ENOX1: variants seen among roughly 807,000 people sequenced by gnomAD.
ENOX1 encodes ecto-NOX disulfide-thiol exchanger 1, also known as candidate growth-related and time keeping constitutive hydroquinone (NADH) oxidase.
Under a neutral mutation model 82.5 loss-of-function variants are expected in ENOX1, and 42 were observed. That is an observed-to-expected ratio of 0.51 (90% CI 0.40 to 0.66). The LOEUF (loss-of-function observed/expected upper bound fraction) is 0.66, where lower values mean the gene tolerates loss of function less well. Ranked by LOEUF, ENOX1 falls within the 30% of genes least tolerant of loss-of-function variation. The pLI is 0.00. For synonymous variants in ENOX1, 271 were observed against 282.2 expected (o/e 0.96, Z 0.40); for missense variants, 608 against 811.6 (o/e 0.75, Z 3.05).
At chr13:43,294,527 G>A (rs1388056037) in intron 12 of ENOX1, among the ~76,000 whole-genome samples, 4 of 152,156 alleles carry the variant, frequency 2.6e-5, no homozygotes, top group African/African-American at 9.7e-5. Flanking sequence ...AGACAGTCCC[G>A]AGGGAATGCA....
At chr13:43,421,639 T>C (rs947412144) in intron 3 of ENOX1, among the ~76,000 whole-genome samples, 1 of 152,286 alleles carries the variant, frequency 6.6e-6, no homozygotes, top group East Asian at 1.9e-4. Flanking sequence ...AGGAGATATA[T>C]ACTCTTTCTC....
At chr13:43,533,590 T>C (rs2078324964) in intron 2 of ENOX1, among the ~76,000 whole-genome samples, 1 of 152,148 alleles carries the variant, frequency 6.6e-6, no homozygotes, top group Admixed American at 6.5e-5. Context: ...GTTTATACGT[T>C]TTCTAACTCT....
intron 3 of ENOX1, among the ~76,000 whole-genome samples, chr13:43,475,850 A>G (rs1461385243): frequency 6.6e-6 from 1 of 151,780 alleles, no homozygotes. Flanking sequence ...GCAAAACAGA[A>G]TTTGAGAAGA....
chr13:43,234,464 C>T (rs1446594104), intron 15 of ENOX1, among the ~76,000 whole-genome samples: 1 of 152,148 alleles, frequency 6.6e-6, no homozygotes, highest in Non-Finnish European at 1.5e-5. Context: ...CTCCCTTCTA[C>T]CTAAATGTTC....
At chr13:43,433,652 A>G (rs2055822386) in intron 3 of ENOX1, among the ~76,000 whole-genome samples, 1 of 152,242 alleles carries the variant, frequency 6.6e-6, no homozygotes, top group Non-Finnish European at 1.5e-5. Flanking sequence ...TGTAATAAGA[A>G]CACATTTCTA....
At chr13:43,406,578 C>T (rs75507138) in intron 5 of ENOX1, among the ~76,000 whole-genome samples, 6 of 151,432 alleles carry the variant, frequency 4.0e-5, no homozygotes, top group African/African-American at 7.3e-5. Context: ...CTGCAAGCTC[C>T]GCCTCCCGGG....
intron 1 of ENOX1, among the ~76,000 whole-genome samples, chr13:43,699,083 C>T (rs1366382080): frequency 6.6e-6 from 1 of 152,152 alleles, no homozygotes; most frequent in African/African-American, 2.4e-5. Context: ...CTGGGACAAA[C>T]ACTGCAAACC....
intron 9 of ENOX1, among the ~76,000 whole-genome samples, chr13:43,326,782 C>A (rs959766119): frequency 6.6e-6 from 1 of 152,158 alleles, no homozygotes; most frequent in Admixed American, 6.5e-5. Flanking sequence ...TACTTCCAAG[C>A]ATTCTTTAGC....
intron 9 of ENOX1, among the ~76,000 whole-genome samples, chr13:43,337,437 A>G (rs563376331): frequency 1.1e-3 from 175 of 152,340 alleles, no homozygotes; most frequent in African/African-American, 4.1e-3. Context: ...TAGTATTAAC[A>G]AGCGCTGCAG....
intron 2 of ENOX1, among the ~76,000 whole-genome samples, chr13:43,535,408 A>G (rs2078415170): frequency 6.6e-6 from 1 of 152,184 alleles, no homozygotes; most frequent in Non-Finnish European, 1.5e-5. Context: ...TGCCTCTAGC[A>G]TCCCAGGAAG....
intron 2 of ENOX1, among the ~76,000 whole-genome samples, chr13:43,528,057 T>C (rs946991882): frequency 5.3e-5 from 8 of 152,082 alleles, no homozygotes; most frequent in Non-Finnish European, 1.2e-4. Flanking sequence ...AAATTGAATG[T>C]TTTCATTCAC....
chr13:43,781,806 C>T (rs1041635021), intron 1 of ENOX1, among the ~76,000 whole-genome samples: 5 of 152,156 alleles, frequency 3.3e-5, no homozygotes, highest in Admixed American at 6.5e-5. Context: ...CCACCGCGCC[C>T]GGCCTTGTCC....
chr13:43,574,368 A>G (rs2080322005), intron 2 of ENOX1, among the ~76,000 whole-genome samples: 2 of 152,106 alleles, frequency 1.3e-5, no homozygotes, highest in Non-Finnish European at 2.9e-5. Flanking sequence ...CCAATTAGTA[A>G]AAGTGCAGTA....
intron 1 of ENOX1, among the ~76,000 whole-genome samples, chr13:43,775,845 C>G (rs1379198000): frequency 6.6e-6 from 1 of 152,182 alleles, no homozygotes; most frequent in Non-Finnish European, 1.5e-5. Context: ...TCAAGTTGCT[C>G]TTTTGTGCCT....
At chr13:43,499,262 A>G (rs2076896622) in intron 2 of ENOX1, among the ~76,000 whole-genome samples, 1 of 152,074 alleles carries the variant, frequency 6.6e-6, no homozygotes, top group Non-Finnish European at 1.5e-5. Context: ...CAAAAAAGGG[A>G]CACAGTTGAA....
At chr13:43,763,867 C>T (rs1419576641) in intron 1 of ENOX1, among the ~76,000 whole-genome samples, 1 of 152,128 alleles carries the variant, frequency 6.6e-6, no homozygotes, top group Non-Finnish European at 1.5e-5. Context: ...GCCTGTGGAA[C>T]AACATAAAAT....
intron 3 of ENOX1, among the ~76,000 whole-genome samples, chr13:43,483,184 C>G (rs1333763697): frequency 1.3e-5 from 2 of 152,178 alleles, no homozygotes; most frequent in African/African-American, 2.4e-5. Flanking sequence ...GTACTGTGTT[C>G]CTTCTCCTTT....
intron 14 of ENOX1, among the ~76,000 whole-genome samples, chr13:43,253,235 C>A (rs1415820576): frequency 6.6e-6 from 1 of 152,198 alleles, no homozygotes; most frequent in Admixed American, 6.5e-5. Context: ...ACACGCAGGG[C>A]ACCACGACAC....
chr13:43,242,430 A>G (rs2042882973), intron 14 of ENOX1, among the ~76,000 whole-genome samples: 1 of 151,650 alleles, frequency 6.6e-6, no homozygotes, highest in Admixed American at 6.6e-5. Flanking sequence ...CCTTTCTTTC[A>G]TTCTCGTGGG....
Sources: gnomAD v4.1 joint callset for allele counts (sites outside exome capture counted in the v4.1 genomes callset) on GRCh38, gnomAD v4.1.1 for gene constraint, MANE v1.5 for transcripts, NCBI Gene and HGNC (gene_info 2026-07-23, HGNC 2026-07-21) for gene names.